Variants in ADAMTS4 observed in about 807,000 individuals in gnomAD.
The protein encoded by ADAMTS4 is A disintegrin and metalloproteinase with thrombospondin motifs 4.
ADAMTS4 carries 38 observed loss-of-function variants against 66.7 expected under a neutral mutation model. The ratio of observed to expected loss-of-function variants is 0.57; its 90% CI spans 0.44 to 0.75. The LOEUF (loss-of-function observed/expected upper bound fraction) is 0.75. Among genes scored for constraint, ADAMTS4 ranks in the 30% least tolerant of loss-of-function variants. The probability of loss-of-function intolerance (pLI) is 0.00; values close to 1 mark genes in which losing one functional copy is unlikely to be tolerated. For missense variants in ADAMTS4, 1,014 were observed against 1,116.7 expected (o/e 0.91, Z 1.31); for synonymous variants, 418 against 461.5 (o/e 0.91, Z 1.21).
chr1:161,197,676 G>A (rs568440510), intron 1 of ADAMTS4, among the ~76,000 whole-genome samples: 1 of 152,090 alleles, frequency 6.6e-6, no homozygotes, highest in African/African-American at 2.4e-5. Flanking sequence ...GCTGTTAGGA[G>A]ACCTTTACTG....
Position 161,198,176 on chromosome 1 carries a change from C to T in ADAMTS4, c.452G>A (p.Gly151Asp), listed in dbSNP as rs1428696549. ...SLHWDGGALL[G>D]VLQYRGAELH... The stretch of plus-strand genomic sequence containing the variant: ...TTCAGCCCCCCGATATTGTAACACG[C>T]CTAACAGGGCTCCCCCATCCCAGTG... The change falls in exon 1 of 9, where the codon GGC (glycine) becomes GAC (aspartate). Residue 151 changes from glycine (G) to aspartate (D), a missense_variant. Physicochemically the swap from Gly to Asp is moderately conservative, Grantham distance 94. Coordinates refer to ENST00000367996, the MANE Select transcript of ADAMTS4 (RefSeq NM_005099.6). This position sits in a 1 kb window ranked among gnomAD's most constrained non-coding sequence, Gnocchi z 4.7. The T allele has an allele frequency of 6.2e-7, 1 of 1,614,068 alleles. No homozygotes were observed. Among genetic ancestry groups the T allele is most frequent in the Admixed American group, 1.7e-5 (1 of 60,008 alleles).
rs1252270492 is a variant in ADAMTS4, at chr1:161,185,754, G to A, written c.*5384C>T. 6.6e-6 allele frequency: 1 copy of A among 152,162 alleles called. No individual in the cohort carries two copies. The highest frequency in any genetic ancestry group is 1.5e-5 in the Non-Finnish European group (1 of 68,042). The allele number at this position is 152,162 out of a possible 1,614,324, so 9.4% of individuals were successfully genotyped here. A position where few individuals can be genotyped will look rare whatever the true frequency, so the allele number is the denominator to read the frequency against. Reference sequence around the variant, plus strand: ...GATTACAGAAATGAGACTAGAGATGGAAGAGAAGTGTAAATGCCGATTCCA... The same window carrying A: ...GATTACAGAAATGAGACTAGAGATGAAAGAGAAGTGTAAATGCCGATTCCA... On this transcript the variant is annotated 3_prime_UTR_variant, in exon 9 of 9. Coordinates refer to ENST00000367996, the MANE Select transcript of ADAMTS4 (RefSeq NM_005099.6).
rs1490266423 is a variant in ADAMTS4 at position 161,191,215 on chromosome 1, T to C, written c.2437A>G (p.Thr813Ala). 1.2e-6 allele frequency: 2 copies of C among 1,610,766 alleles called. No homozygotes were observed. The highest frequency in any genetic ancestry group is 1.7e-6 in the Non-Finnish European group (2 of 1,177,916). ...CTTCGGTGCAGCCAGTCCTGGGGAG[T>C]GGGGCGTGGCGTTGAAGGGGTCGGC... is the stretch of plus-strand genomic sequence containing the variant. The part of the protein sequence containing the change: ...PRPTPSTPRP[T>A]PQDWLHRRAQ... The change falls in exon 9 of 9, where the codon ACT becomes GCT. Residue 813 changes from threonine to alanine, a missense_variant. By Grantham distance (58) the Thr-to-Ala change is moderately conservative. Transcript: ENST00000367996.
chr1:161,193,770 G>A lies in ADAMTS4; in HGVS notation c.1605C>T (p.Thr535=), dbSNP rs1367847124. The change falls in exon 6 of 9, where the codon ACC becomes ACT. Residue 535 remains threonine, a synonymous_variant. Transcript: ENST00000367996. The surrounding 1 kb of genome is among the most constrained non-coding windows in gnomAD (Gnocchi z 4.4). ...PWGPWGDCSR[T]CGGGVQFSSR... ...AGGAGAACTGGACACCACCCCCACAGGTCCGAGAGCAGTCACCCCATGGTC... is the reference window on the plus strand; with the variant it reads ...AGGAGAACTGGACACCACCCCCACAAGTCCGAGAGCAGTCACCCCATGGTC... The A allele has an allele frequency of 6.8e-6, 11 of 1,613,888 alleles. No homozygotes were observed. The highest frequency in any genetic ancestry group is 8.5e-6 in the Non-Finnish European group (10 of 1,179,882).
At position 161,190,942 on chromosome 1, in the gene ADAMTS4, C is replaced by G; in HGVS notation, c.*196G>C. ...GCTGTCTGTCAGCCCCTTCCATCCA[C>G]TAACCCATCACTGCCTCCCAGGGCA... On this transcript the variant is annotated 3_prime_UTR_variant, in exon 9 of 9. Coordinates refer to ENST00000367996, the MANE Select transcript of ADAMTS4 (RefSeq NM_005099.6). 1 of 584,212 alleles carries G rather than the reference C, an allele frequency of 1.7e-6. No individual in the cohort carries two copies. Among genetic ancestry groups the G allele is most frequent in the Middle Eastern group, 4.6e-4 (1 of 2,170 alleles). The allele number at this position is 584,212 out of a possible 1,614,324, so 36.2% of individuals were successfully genotyped here.
chr1:161,195,566 G>A lies in ADAMTS4; in HGVS notation c.1160C>T (p.Ser387Phe). ...CATCACAGGGGCCATGACATGGCGAGAGGTGCTCAAAGGCCCATTCAAACT... is the reference window on the plus strand; with the variant it reads ...CATCACAGGGGCCATGACATGGCGAAAGGTGCTCAAAGGCCCATTCAAACT... ...CISLNGPLST[S>F]RHVMAPVMAH... The change falls in exon 4 of 9, where the codon TCT becomes TTT. Residue 387 changes from serine to phenylalanine, a missense_variant. Physicochemically the swap from Ser to Phe is radical, Grantham distance 155 (BLOSUM62 -2). Coordinates refer to ENST00000367996, the MANE Select transcript of ADAMTS4 (RefSeq NM_005099.6). 1.9e-6 allele frequency: 3 copies of A among 1,614,028 alleles called. No homozygotes were observed. The highest frequency in any genetic ancestry group is 2.7e-5 in the African/African-American group (2 of 75,024).
chr1:161,187,955 T>TC lies in ADAMTS4; in HGVS notation c.*3182_*3183insG, dbSNP rs1664573468. 7.4e-6 allele frequency: 1 copy of TC among 134,852 alleles called. No homozygotes were observed. Among genetic ancestry groups the TC allele is most frequent in the African/African-American group, 2.7e-5 (1 of 37,418 alleles). 8.4% of individuals were successfully genotyped at this position (134,852 alleles called of 1,614,324 possible). ...GGACTGCCCAAGTTCTTTTTTTTTT[T>TC]TTTTTTTTTTTTGAGATGGAGTCTC... is the stretch of plus-strand genomic sequence containing the variant. On this transcript the variant is annotated 3_prime_UTR_variant, in exon 9 of 9. Transcript: ENST00000367996.
chr1:161,192,030 C>A, intron 8 of ADAMTS4, 35 bp downstream of exon 8: 1 of 1,607,556 alleles, frequency 6.2e-7, no homozygotes, highest in Non-Finnish European at 8.5e-7. Flanking sequence ...CCAGAATGTC[C>A]AGGAAGGTAG....
chr1:161,194,307 C>A lies in ADAMTS4; in HGVS notation c.1262-86G>T, dbSNP rs1023510376. 1.6e-5 allele frequency: 21 copies of A among 1,276,428 alleles called. No individual in the cohort carries two copies. The highest frequency in any genetic ancestry group is 4.5e-5 in the African/African-American group (3 of 66,908). 79.1% of individuals were successfully genotyped at this position (1,276,428 alleles called of 1,614,324 possible). ...AGCAGAAAGCTTAGGCTCCCTGGGG[C>A]CTGATGGAGCCTAGAAAAACAATCC... On this transcript the variant is annotated intron_variant, in intron 4 of 8. Transcript: ENST00000367996. This position sits in a 1 kb window ranked among gnomAD's most constrained non-coding sequence, Gnocchi z 4.1.
Position 161,188,329 on chromosome 1 carries a change from C to T in ADAMTS4, c.*2809G>A, listed in dbSNP as rs1664585320. ...TTGTAGCTCACCATAGCCTCGAAAT[C>T]GTGGGCTCAAGCAGTCCTCCTATTT... is the stretch of plus-strand genomic sequence containing the variant. On this transcript the variant is annotated 3_prime_UTR_variant, in exon 9 of 9. Coordinates refer to ENST00000367996, the MANE Select transcript of ADAMTS4 (RefSeq NM_005099.6). 1.4e-5 allele frequency: 2 copies of T among 141,770 alleles called. No individual in the cohort carries two copies. The highest frequency in any genetic ancestry group is 2.4e-4 in the South Asian group (1 of 4,228). The allele number at this position is 141,770 out of a possible 1,614,324, so 8.8% of individuals were successfully genotyped here.
At position 161,193,426 on chromosome 1, in the gene ADAMTS4, C is replaced by G; in HGVS notation, c.1736-38G>C. On this transcript the variant is annotated intron_variant, in intron 6 of 8. Coordinates refer to ENST00000367996, the MANE Select transcript of ADAMTS4 (RefSeq NM_005099.6). This position sits in a 1 kb window ranked among gnomAD's most constrained non-coding sequence, Gnocchi z 4.4. ...AACAGTCAGAGCCCCTCCTTCCTTCCTCACATCACCCCACATCCCTCCACC... is the reference window on the plus strand; with the variant it reads ...AACAGTCAGAGCCCCTCCTTCCTTCGTCACATCACCCCACATCCCTCCACC... 2 of 1,600,004 alleles carry G rather than the reference C, an allele frequency of 1.3e-6. No individual in the cohort carries two copies. The highest frequency in any genetic ancestry group is 1.7e-6 in the Non-Finnish European group (2 of 1,172,010).
rs1014509103 is a variant in ADAMTS4, at chr1:161,194,005, G to A, written c.1478C>T (p.Thr493Ile). The change falls in exon 5 of 9, where the codon ACA (threonine) becomes ATA (isoleucine). Residue 493 changes from threonine (T) to isoleucine (I), a missense_variant. Coordinates refer to ENST00000367996, the MANE Select transcript of ADAMTS4 (RefSeq NM_005099.6). The surrounding 1 kb of genome is among the most constrained non-coding windows in gnomAD (Gnocchi z 4.1). The part of the protein sequence containing the change: ...QTKHSPWADG[T>I]PCGPAQACMG... ...GCAGGCCTGTGCGGGCCCGCAGGGT[G>A]TGCCATCGGCCCAGGGCGAGTGTTT... The A allele has an allele frequency of 3.1e-6, 5 of 1,612,998 alleles. No individual in the cohort carries two copies. The African/African-American group carries it at 5.3e-5, about 17-fold the overall frequency.
In ADAMTS4 at chr1:161,196,727, T is replaced by C; in HGVS notation, c.787A>G (p.Ser263Gly). ...FKHPSIRNPV[S>G]LVVTRLVILG... ...ATCACTAGCCGAGTCACCACCAAGC[T>C]GACAGGATTGCGGATGCTTGGGTGC... Residue 263 changes from serine (S) to glycine (G), a missense_variant, in exon 2 of 9, where the codon AGC becomes GGC. By Grantham distance (56) the Ser-to-Gly change is moderately conservative. Transcript: ENST00000367996. 1 of 1,613,850 alleles carries C rather than the reference T, an allele frequency of 6.2e-7. No homozygotes were observed. The highest frequency in any genetic ancestry group is 8.5e-7 in the Non-Finnish European group (1 of 1,180,000).
rs1164613861 is a variant in ADAMTS4 at position 161,196,671 on chromosome 1, C to A, written c.843G>T (p.Val281=). The change falls in exon 2 of 9, where the codon GTG becomes GTT. Residue 281 remains valine, a synonymous_variant. Coordinates refer to ENST00000367996, the MANE Select transcript of ADAMTS4 (RefSeq NM_005099.6). ...ILGSGEEGPQ[V]GPSAAQTLRS... ...GCAGGGTCTGGGCAGCACTGGGCCC[C>A]ACTTGGGGCCCCTCCTCGCCTGACC... 1 of 1,614,112 alleles carries A rather than the reference C, an allele frequency of 6.2e-7. No individual in the cohort carries two copies. Among genetic ancestry groups the A allele is most frequent in the Admixed American group, 1.7e-5 (1 of 60,024 alleles).
In ADAMTS4 at chr1:161,198,083, C is replaced by G; in HGVS notation, c.545G>C (p.Arg182Pro). 1 of 1,612,998 alleles carries G rather than the reference C, an allele frequency of 6.2e-7. No homozygotes were observed. Among genetic ancestry groups the G allele is most frequent in the South Asian group, 1.1e-5 (1 of 90,976 alleles). Residue 182 changes from arginine (R) to proline (P), a missense_variant, in exon 1 of 9, where the codon CGC (arginine) becomes CCC (proline). Coordinates refer to ENST00000367996, the MANE Select transcript of ADAMTS4 (RefSeq NM_005099.6). The surrounding 1 kb of genome is among the most constrained non-coding windows in gnomAD (Gnocchi z 4.7). ...SAGGPGAHIL[R>P]RKSPASGQGP... ...TTGACCGCTGGCAGGACTCTTCCGG[C>G]GTAGGATGTGAGCCCCAGGTCCCCC... is the stretch of plus-strand genomic sequence containing the variant.
In ADAMTS4 at chr1:161,196,212, T is replaced by A; in HGVS notation, c.1049A>T (p.Asp350Val). ...AGTGAAGGCTGACTGGAGCCCATCA[T>A]CCTCCACAATGGCACAGCTCCGAGC... ...DPARSCAIVE[D>V]DGLQSAFTAA... The change falls in exon 3 of 9, where the codon GAT becomes GTT. Residue 350 changes from aspartate (D) to valine (V), a missense_variant. Coordinates refer to ENST00000367996, the MANE Select transcript of ADAMTS4 (RefSeq NM_005099.6). 1 of 1,611,782 alleles carries A rather than the reference T, an allele frequency of 6.2e-7. No homozygotes were observed. Among genetic ancestry groups the A allele is most frequent in the Non-Finnish European group, 8.5e-7 (1 of 1,179,222 alleles).
rs1664855892 is a variant in ADAMTS4 at position 161,196,697 on chromosome 1, C to G, written c.817G>C (p.Gly273Arg). The G allele has an allele frequency of 1.2e-6, 2 of 1,613,900 alleles. No homozygotes were observed. Among genetic ancestry groups the G allele is most frequent in the African/African-American group, 2.7e-5 (2 of 74,926 alleles). Residue 273 changes from glycine (G) to arginine (R), a missense_variant, in exon 2 of 9, where the codon GGG becomes CGG. Physicochemically the swap from Gly to Arg is moderately radical, Grantham distance 125. Coordinates refer to ENST00000367996, the MANE Select transcript of ADAMTS4 (RefSeq NM_005099.6). ...SLVVTRLVILGSGEEGPQVGP... is the reference protein window; with the variant it reads ...SLVVTRLVILRSGEEGPQVGP... Reference sequence around the variant, plus strand: ...ACTTGGGGCCCCTCCTCGCCTGACCCCAGGATCACTAGCCGAGTCACCACC... The same window carrying G: ...ACTTGGGGCCCCTCCTCGCCTGACCGCAGGATCACTAGCCGAGTCACCACC...
rs911797503 is a variant in ADAMTS4, at chr1:161,193,578, A to G, written c.1735+62T>C. The G allele has an allele frequency of 2.6e-6, 4 of 1,555,014 alleles. No homozygotes were observed. Among genetic ancestry groups the G allele is most frequent in the Non-Finnish European group, 3.5e-6 (4 of 1,148,800 alleles). ...CAACACCCCCTTGGTCTTGCACTCAAGGGACAGTCCTTCCTGCTCTACTGT... is the reference window on the plus strand; with the variant it reads ...CAACACCCCCTTGGTCTTGCACTCAGGGGACAGTCCTTCCTGCTCTACTGT... On this transcript the variant is annotated intron_variant, in intron 6 of 8. Transcript: ENST00000367996. This position sits in a 1 kb window ranked among gnomAD's most constrained non-coding sequence, Gnocchi z 4.4.
Position 161,194,291 on chromosome 1 carries a change from CT to C in ADAMTS4, c.1262-71del. 1 of 1,486,586 alleles carries C rather than the reference CT, an allele frequency of 6.7e-7. No individual in the cohort carries two copies. Among genetic ancestry groups the C allele is most frequent in the Non-Finnish European group, 9.2e-7 (1 of 1,086,806 alleles). 92.1% of individuals were successfully genotyped at this position (1,486,586 alleles called of 1,614,324 possible). A position where few individuals can be genotyped will look rare whatever the true frequency, so the allele number is the denominator to read the frequency against. The stretch of plus-strand genomic sequence containing the variant: ...AGCATTCAGGATTGCCAGCAGAAAG[CT>C]TAGGCTCCCTGGGGCCTGATGGAGC... On this transcript the variant is annotated intron_variant, in intron 4 of 8. Coordinates refer to ENST00000367996, the MANE Select transcript of ADAMTS4 (RefSeq NM_005099.6). This position sits in a 1 kb window ranked among gnomAD's most constrained non-coding sequence, Gnocchi z 4.1.
Sources: allele counts gnomAD v4.1 joint callset (sites outside exome capture counted in the v4.1 genomes callset), GRCh38; gene constraint gnomAD v4.1.1; non-coding constraint Gnocchi (gnomAD v3.1); transcripts MANE v1.5; gene names NCBI Gene and HGNC (gene_info 2026-07-23, HGNC 2026-07-21).